TESC: variants seen among roughly 807,000 people sequenced by gnomAD.
The protein encoded by TESC is tescalcin.
In TESC, 19 loss-of-function variants were observed where a neutral mutation model predicts 31.0. The ratio of observed to expected loss-of-function variants is 0.61; its 90% CI spans 0.43 to 0.90. TESC has a LOEUF of 0.90. Among genes scored for constraint, TESC ranks in the 40% least tolerant of loss-of-function variants. TESC has a pLI of 0.00. For missense variants in TESC, 248 were observed against 303.8 expected, an observed-to-expected ratio of 0.82 and a Z score of 1.36; for synonymous variants, 109 against 114.8, an observed-to-expected ratio of 0.95 and a Z score of 0.32.
intron 3 of TESC, among the ~76,000 whole-genome samples, chr12:117,055,954 A>ACT (rs1407402148): frequency 7.4e-6 from 1 of 134,594 alleles, no homozygotes; most frequent in Non-Finnish European, 1.5e-5. Flanking sequence ...AGTCTTACTG[A>ACT]CTCTCGCCCA....
At chr12:117,046,528 C>T (rs1007262817) in intron 6 of TESC, 31 bp downstream of exon 6, 12 of 1,532,110 alleles carry the variant, frequency 7.8e-6, no homozygotes, top group African/African-American at 5.5e-5. Context: ...AAAGGCACTG[C>T]GCGTCTCGGG....
At chr12:117,080,971 G>T (rs536913236) in intron 1 of TESC, among the ~76,000 whole-genome samples, 1 of 152,322 alleles carries the variant, frequency 6.6e-6, no homozygotes, top group Admixed American at 6.5e-5. Context: ...GTTGCCATGC[G>T]GATGATGGGC....
Position 117,075,847 on chromosome 12 carries a change from GTATATA to G in TESC, c.59-513_59-508del, listed in dbSNP as rs57455838. Among the ~76,000 whole-genome samples, 429 of 67,142 alleles carry G rather than the reference GTATATA, an allele frequency of 6.4e-3. 5 individuals carry two copies. Among genetic ancestry groups the G allele is most frequent in the African/African-American group, 0.016 (243 of 15,592 alleles). 44.0% of individuals were successfully genotyped at this position (67,142 alleles called of 152,430 possible). On this transcript the variant is annotated intron_variant, in intron 1 of 7. Transcript: ENST00000335209. ...GCCCGGCTAATTTTCGTGTGTGTGT[GTATATA>G]TATATATATATATATATGTGTGTAT...
intron 2 of TESC, among the ~76,000 whole-genome samples, chr12:117,067,011 G>A (rs960988595): frequency 3.9e-5 from 6 of 152,090 alleles, no homozygotes; most frequent in Admixed American, 3.3e-4. Context: ...TACCCCCTTG[G>A]TGGCTCTCCT....
chr12:117,051,403 C>A (rs1380309478), intron 3 of TESC, among the ~76,000 whole-genome samples: 1 of 152,166 alleles, frequency 6.6e-6, no homozygotes, highest in Non-Finnish European at 1.5e-5. Flanking sequence ...AACTGCCCAT[C>A]TGCGGGATGA....
chr12:117,047,062 T>A (rs1954578314), intron 4 of TESC, among the ~76,000 whole-genome samples: 1 of 152,156 alleles, frequency 6.6e-6, no homozygotes, highest in South Asian at 2.1e-4. Flanking sequence ...ATCTGTGAAA[T>A]GGGAATAACA....
chr12:117,050,877 A>G (rs1320066463), intron 3 of TESC, among the ~76,000 whole-genome samples: 2 of 150,594 alleles, frequency 1.3e-5, no homozygotes, highest in Admixed American at 1.3e-4. Flanking sequence ...GTGAGCCAAG[A>G]TCACGCCACT....
chr12:117,044,622 G>A (rs1198377433), intron 6 of TESC, among the ~76,000 whole-genome samples: 1 of 152,236 alleles, frequency 6.6e-6, no homozygotes, highest in African/African-American at 2.4e-5. Flanking sequence ...CCACAGGCCG[G>A]CGCGACGGCT....
Position 117,065,879 on chromosome 12 carries a change from C to CA in TESC, c.129-8994dup, listed in dbSNP as rs545464177. On this transcript the variant is annotated intron_variant, in intron 2 of 7. Coordinates refer to ENST00000335209, the MANE Select transcript of TESC (RefSeq NM_017899.4). ...CTTGGGCAACAGAGCAAAACAACAA[C>CA]AAAAAAGTAGGAGCTAACATACAGC... Among the ~76,000 whole-genome samples the CA allele has an allele frequency of 2.0e-5, 3 of 152,152 alleles. No individual in the cohort carries two copies. The South Asian group carries it at 6.2e-4, about 32-fold the overall frequency.
At chr12:117,048,666 G>A (rs2291912) in intron 4 of TESC, 10,756 of 479,088 alleles carry the variant, frequency 0.022, 505 homozygotes, top group East Asian at 0.21. Flanking sequence ...TCAGAACCAC[G>A]CATGATCGGC....
intron 6 of TESC, 184 bp downstream of exon 6, chr12:117,046,374 TG>T: frequency 1.6e-6 from 1 of 625,726 alleles, no homozygotes; most frequent in Non-Finnish European, 2.8e-6. Context: ...TGCAGCTCTC[TG>T]GGGACTTGGA....
intron 1 of TESC, among the ~76,000 whole-genome samples, chr12:117,077,800 G>A (rs990011584): frequency 2.6e-5 from 4 of 152,152 alleles, no homozygotes; most frequent in African/African-American, 9.7e-5. Flanking sequence ...GGAGTAACTT[G>A]AATGGAGTGC....
chr12:117,054,196 C>T (rs1954688965), intron 3 of TESC, among the ~76,000 whole-genome samples: 1 of 152,114 alleles, frequency 6.6e-6, no homozygotes, highest in Non-Finnish European at 1.5e-5. Flanking sequence ...CGGGGCACCC[C>T]TGACCCAAGC....
chr12:117,088,172 T>C lies in TESC; in HGVS notation c.58+11053A>G, dbSNP rs116152975. On this transcript the variant is annotated intron_variant, in intron 1 of 7. Coordinates refer to ENST00000335209, the MANE Select transcript of TESC (RefSeq NM_017899.4). Reference sequence around the variant, plus strand: ...GGAGGGATGGAACAATAAATACATATCATTTATGTAATTAGAGAAAAATTT... The same window carrying C: ...GGAGGGATGGAACAATAAATACATACCATTTATGTAATTAGAGAAAAATTT... Among the ~76,000 whole-genome samples the C allele has an allele frequency of 4.7e-3, 717 of 152,128 alleles. 8 individuals are homozygous for C. Among genetic ancestry groups the C allele is most frequent in the African/African-American group, 0.017 (689 of 41,494 alleles).
At chr12:117,046,929 CAATAA>C in intron 4 of TESC, 91 bp from the exon 5 acceptor site, 1 of 1,379,562 alleles carries the variant, frequency 7.2e-7, no homozygotes, top group East Asian at 2.5e-5. Context: ...CAAAAGACAC[CAATAA>C]CCAAACCTCA....
At chr12:117,056,500 G>A (rs921039520) in intron 3 of TESC, among the ~76,000 whole-genome samples, 7 of 152,330 alleles carry the variant, frequency 4.6e-5, no homozygotes, top group African/African-American at 1.7e-4. Context: ...AGCCTCCCCA[G>A]CAGCTGAGAC....
At chr12:117,049,538 C>T (rs1369711897) in intron 3 of TESC, among the ~76,000 whole-genome samples, 1 of 152,208 alleles carries the variant, frequency 6.6e-6, no homozygotes, top group African/African-American at 2.4e-5. Flanking sequence ...TCCTTTAGCT[C>T]AGGGGTTGGC....
At chr12:117,092,983 C>G (rs183040312) in intron 1 of TESC, among the ~76,000 whole-genome samples, 1 of 151,892 alleles carries the variant, frequency 6.6e-6, no homozygotes, top group Non-Finnish European at 1.5e-5. Context: ...CCTGAAGATG[C>G]CAGGGGAAAA....
At chr12:117,067,311 T>G (rs1319236980) in intron 2 of TESC, among the ~76,000 whole-genome samples, 2 of 152,168 alleles carry the variant, frequency 1.3e-5, no homozygotes, top group Non-Finnish European at 2.9e-5. Context: ...ATGCCTGTAA[T>G]CCTAGCACTT....
Sources: allele counts gnomAD v4.1 joint callset (sites outside exome capture counted in the v4.1 genomes callset), GRCh38; gene constraint gnomAD v4.1.1; transcripts MANE v1.5; gene names NCBI Gene and HGNC (gene_info 2026-07-23, HGNC 2026-07-21).